THBS2: variants seen among roughly 807,000 people sequenced by gnomAD.
THBS2 encodes thrombospondin 2.
A neutral mutation model predicts 135.2 loss-of-function variants in THBS2; 47 were observed. The ratio of observed to expected loss-of-function variants is 0.35; its 90% CI spans 0.28 to 0.44. The LOEUF (loss-of-function observed/expected upper bound fraction) is 0.44. Ranked by LOEUF, THBS2 falls within the 20% of genes least tolerant of loss-of-function variation. The pLI is 1.00. For synonymous variants in THBS2, 639 were observed against 633.8 expected, an observed-to-expected ratio of 1.01 and a Z score of -0.12; for missense variants, 1,288 against 1,603.1, an observed-to-expected ratio of 0.80 and a Z score of 3.36.
In THBS2 at chr6:169,222,307, T is replaced by C; in HGVS notation, c.3163A>G (p.Thr1055Ala). 1 of 1,613,472 alleles carries C rather than the reference T, an allele frequency of 6.2e-7. No homozygotes were observed. Among genetic ancestry groups the C allele is most frequent in the Non-Finnish European group, 8.5e-7 (1 of 1,180,024 alleles). The part of the protein sequence containing the change: ...VTQTYWEDQP[T>A]RAYGYSGVSL... Reference sequence around the variant, plus strand: ...ACGCCGGAGTAGCCATAGGCCCGCGTGGGCTGGTCCTCCCAGTAGGTCTGC... The same window carrying C: ...ACGCCGGAGTAGCCATAGGCCCGCGCGGGCTGGTCCTCCCAGTAGGTCTGC... Residue 1055 changes from threonine (T) to alanine (A), a missense_variant, in exon 19 of 22, where the codon ACG becomes GCG. Thr to Ala is a moderately conservative substitution (Grantham distance 58). This residue lies in a region of THBS2 where 874 missense variants were observed against 1,156.1 expected (regional missense o/e 0.76). Coordinates refer to ENST00000617924, the MANE Select transcript of THBS2 (RefSeq NM_003247.5).
chr6:169,236,769 TCC>T (rs1780105050), intron 9 of THBS2, among the ~76,000 whole-genome samples: 1 of 124,846 alleles, frequency 8.0e-6, no homozygotes, highest in African/African-American at 3.2e-5. Context: ...CCACACTCAC[TCC>T]CCGTCCACAC....
chr6:169,217,751 A>C lies in THBS2; in HGVS notation c.*71T>G. The C allele has an allele frequency of 6.4e-7, 1 of 1,554,404 alleles. No individual in the cohort carries two copies. On this transcript the variant is annotated 3_prime_UTR_variant, in exon 22 of 22. Transcript: ENST00000617924. ...GCTGCTAGAGAGAGAAGCCACAAGG[A>C]CCACAATGAACTGAGGTGTCTAGGG...
intron 2 of THBS2, among the ~76,000 whole-genome samples, chr6:169,249,960 G>A (rs1583423247): frequency 6.6e-6 from 1 of 151,938 alleles, no homozygotes; most frequent in East Asian, 1.9e-4. Context: ...AACCCGGGAG[G>A]CAGAGCTTGC....
chr6:169,246,531 T>G (rs73046012), intron 3 of THBS2, among the ~76,000 whole-genome samples: 15,818 of 152,290 alleles, frequency 0.1, 1,036 homozygotes, highest in Non-Finnish European at 0.15. Flanking sequence ...AGGAAATGTT[T>G]CATAAATAAG....
intron 3 of THBS2, among the ~76,000 whole-genome samples, chr6:169,247,294 G>A (rs1183623802): frequency 2.0e-5 from 3 of 152,198 alleles, no homozygotes; most frequent in African/African-American, 4.8e-5. Flanking sequence ...GTGAGTGCCT[G>A]TGTGAAAGTA....
At chr6:169,226,054 TG>T in intron 16 of THBS2, 125 bp downstream of exon 16, 1 of 1,043,308 alleles carries the variant, frequency 9.6e-7, no homozygotes, top group Non-Finnish European at 1.4e-6. Flanking sequence ...CGCCTGCCCA[TG>T]GCTGCCCTCA....
intron 19 of THBS2, 54 bp from the exon 20 acceptor site, chr6:169,221,581 C>T (rs914309283): frequency 7.8e-6 from 12 of 1,539,134 alleles, no homozygotes; most frequent in Non-Finnish European, 1.1e-5. Flanking sequence ...GCCTTAACCA[C>T]AGCTCTGTAA....
At chr6:169,225,759 C>G (rs1291883909) in intron 16 of THBS2, among the ~76,000 whole-genome samples, 1 of 152,210 alleles carries the variant, frequency 6.6e-6, no homozygotes, top group Non-Finnish European at 1.5e-5. Context: ...TAACTGTCCT[C>G]CCTTGTCTCT....
Position 169,222,351 on chromosome 6 carries a change from A to G in THBS2, c.3119T>C (p.Val1040Ala). 2.5e-6 allele frequency: 4 copies of G among 1,613,672 alleles called. No individual in the cohort carries two copies. Among genetic ancestry groups the G allele is most frequent in the Non-Finnish European group, 3.4e-6 (4 of 1,180,038 alleles). ...GYQSSSRFYV[V>A]MWKQVTQTYW... ...GGTCTGCGTCACCTGCTTCCACATCACCACATAGAAGCGGCTGCTTGACTG... is the reference window on the plus strand; with the variant it reads ...GGTCTGCGTCACCTGCTTCCACATCGCCACATAGAAGCGGCTGCTTGACTG... The change falls in exon 19 of 22, where the codon GTG (valine) becomes GCG (alanine). Residue 1040 changes from valine to alanine, a missense_variant. Coordinates refer to ENST00000617924, the MANE Select transcript of THBS2 (RefSeq NM_003247.5).
intron 17 of THBS2, among the ~76,000 whole-genome samples, chr6:169,224,480 C>T (rs899881014): frequency 1.3e-5 from 2 of 152,186 alleles, no homozygotes; most frequent in Admixed American, 6.5e-5. Context: ...TCTCAGATGC[C>T]CCTCAAGTCC....
At chr6:169,225,515 G>A (rs1583406599) in intron 16 of THBS2, 136 bp from the exon 17 acceptor site, 5 of 847,002 alleles carry the variant, frequency 5.9e-6, no homozygotes, top group Non-Finnish European at 1.8e-6. Flanking sequence ...GGGGCGGCTG[G>A]CCCGAGGTCA....
chr6:169,244,164 GTTT>G (rs34458367), intron 4 of THBS2, among the ~76,000 whole-genome samples: 1,728 of 120,328 alleles, frequency 0.014, 17 homozygotes, highest in African/African-American at 0.041. Flanking sequence ...ATTTCTCTGT[GTTT>G]TTTTTTTTTT....
At chr6:169,232,545 C>T in intron 12 of THBS2, 119 bp downstream of exon 12, 4 of 1,477,830 alleles carry the variant, frequency 2.7e-6, no homozygotes, top group Non-Finnish European at 3.6e-6. Context: ...GGGCCAGCCC[C>T]TCCCATGCCT....
In THBS2 at chr6:169,243,155, TTCCCACATTCCCACCTC is replaced by T. The variant is rs1168382684; in HGVS notation, c.695-1214_695-1198del. On this transcript the variant is annotated intron_variant, in intron 4 of 21. Transcript: ENST00000617924. ...TTCCCACCGCTCCCACCTTCCCACC[TTCCCACATTCCCACCTC>T]TCCCACCTTCCCACCTCTCCCACCT... Among the ~76,000 whole-genome samples, 758 of 135,108 alleles carry T rather than the reference TTCCCACATTCCCACCTC, an allele frequency of 5.6e-3. 8 individuals carry two copies. Among genetic ancestry groups the T allele is most frequent in the East Asian group, 0.031 (114 of 3,714 alleles). 88.6% of individuals were successfully genotyped at this position (135,108 alleles called of 152,430 possible). A position where few individuals can be genotyped will look rare whatever the true frequency, so the allele number is the denominator to read the frequency against.
rs1162406563 is a variant in THBS2 at position 169,243,003 on chromosome 6, AC to A, written c.695-1046del. ...CACCTTCCCACATTCGCACCTTCCC[AC>A]CTTCCCACATTCCCACCTTCCCACC... On this transcript the variant is annotated intron_variant, in intron 4 of 21. Coordinates refer to ENST00000617924, the MANE Select transcript of THBS2 (RefSeq NM_003247.5). Among the ~76,000 whole-genome samples the A allele has an allele frequency of 1.3e-3, 61 of 45,662 alleles. 5 individuals carry two copies. Among genetic ancestry groups the A allele is most frequent in the African/African-American group, 5.2e-3 (56 of 10,772 alleles). 30.0% of individuals were successfully genotyped at this position (45,662 alleles called of 152,430 possible). A position where few individuals can be genotyped will look rare whatever the true frequency, so the allele number is the denominator to read the frequency against.
chr6:169,222,248 C>T lies in THBS2; in HGVS notation c.3222G>A (p.Thr1074=), dbSNP rs149118318. Residue 1074 remains threonine, a synonymous_variant, in exon 19 of 22, where the codon ACG becomes ACA. Coordinates refer to ENST00000617924, the MANE Select transcript of THBS2 (RefSeq NM_003247.5). ...ACAGCGCGTTCCTCAGGTGCTCGCC[C>T]GTCCCCGTGGTGGAGTTCACCACCT... The part of the protein sequence containing the change: ...SLKVVNSTTG[T]GEHLRNALWH... 41 of 1,613,008 alleles carry T rather than the reference C, an allele frequency of 2.5e-5. No homozygotes were observed. The highest frequency in any genetic ancestry group is 6.7e-5 in the Admixed American group (4 of 59,996).
chr6:169,235,197 T>C (rs1326119834), intron 9 of THBS2, among the ~76,000 whole-genome samples: 1 of 152,078 alleles, frequency 6.6e-6, no homozygotes, highest in Non-Finnish European at 1.5e-5. Context: ...AATAAAAGAA[T>C]TTTTTTAATA....
intron 9 of THBS2, among the ~76,000 whole-genome samples, chr6:169,236,074 C>CT (rs1780042097): frequency 8.5e-6 from 1 of 117,840 alleles, no homozygotes; most frequent in African/African-American, 3.5e-5. Flanking sequence ...CCACACTCAC[C>CT]ATCCACACTC....
At chr6:169,236,886 C>T (rs1170579069) in intron 9 of THBS2, among the ~76,000 whole-genome samples, 5 of 152,258 alleles carry the variant, frequency 3.3e-5, no homozygotes, top group African/African-American at 4.8e-5. Flanking sequence ...GACAGAGCTG[C>T]GGTGCTGGAT....
Sources: gnomAD v4.1 joint callset for allele counts (sites outside exome capture counted in the v4.1 genomes callset) on GRCh38, gnomAD v4.1.1 for gene constraint, gnomAD v4.1.1 regional missense constraint, MANE v1.5 for transcripts, NCBI Gene and HGNC (gene_info 2026-07-23, HGNC 2026-07-21) for gene names.